Variants in ATRNL1 observed in about 807,000 individuals in gnomAD.
The protein encoded by ATRNL1 is attractin-like protein 1.
In ATRNL1, 95 loss-of-function variants were observed where a neutral mutation model predicts 182.7. The ratio of observed to expected loss-of-function variants is 0.52; its 90% CI spans 0.44 to 0.62. ATRNL1 has a LOEUF of 0.62. ATRNL1 is among the 20% of genes least tolerant of loss of function. The pLI is 0.00. For synonymous variants in ATRNL1, 576 were observed against 568.3 expected (o/e 1.01, Z -0.19); for missense variants, 1,471 against 1,679.5 (o/e 0.88, Z 2.17).
chr10:115,860,106 G>A (rs1178753944), intron 28 of ATRNL1, among the ~76,000 whole-genome samples: 1 of 152,190 alleles, frequency 6.6e-6, no homozygotes, highest in Non-Finnish European at 1.5e-5. Context: ...TTCCTTAGGA[G>A]CTGGGACTGA....
chr10:115,621,276 T>TATATATATATAGAG (rs1268020830), intron 26 of ATRNL1, among the ~76,000 whole-genome samples: 231 of 47,504 alleles, frequency 4.9e-3, no homozygotes, highest in Non-Finnish European at 6.0e-3. Context: ...TATATATATA[T>TATATATATATAGAG]AGAGAGAGAG....
chr10:115,266,394 C>A (rs145795480), intron 11 of ATRNL1, among the ~76,000 whole-genome samples: 109 of 151,464 alleles, frequency 7.2e-4, no homozygotes, highest in African/African-American at 2.6e-3. Flanking sequence ...TGTGTCTTGT[C>A]CATGTATAGC....
intron 26 of ATRNL1, among the ~76,000 whole-genome samples, chr10:115,611,076 C>A (rs1462770858): frequency 7.2e-6 from 1 of 139,214 alleles, no homozygotes; most frequent in Non-Finnish European, 1.5e-5. Context: ...CTATATACCT[C>A]TTGATAAAAT....
At chr10:115,803,020 C>A (rs72828809) in intron 27 of ATRNL1, among the ~76,000 whole-genome samples, 2,014 of 152,230 alleles carry the variant, frequency 0.013, 24 homozygotes, top group Non-Finnish European at 0.021. Context: ...CAAAATTACA[C>A]CTGAATTTCA....
intron 19 of ATRNL1, among the ~76,000 whole-genome samples, chr10:115,345,314 G>A (rs1855926813): frequency 6.6e-6 from 1 of 152,210 alleles, no homozygotes; most frequent in African/African-American, 2.4e-5. Flanking sequence ...TCTAGTGCTG[G>A]TTTGTATGTG....
chr10:115,152,532 A>G (rs1554880920), intron 5 of ATRNL1, among the ~76,000 whole-genome samples: 1 of 152,152 alleles, frequency 6.6e-6, no homozygotes, highest in Non-Finnish European at 1.5e-5. Context: ...TTATTGGTGT[A>G]TAAGAATGCT....
At chr10:115,378,914 A>G (rs554613086) in intron 19 of ATRNL1, among the ~76,000 whole-genome samples, 24 of 152,324 alleles carry the variant, frequency 1.6e-4, no homozygotes, top group Non-Finnish European at 2.1e-4. Flanking sequence ...AGTATATGAC[A>G]GTTGATGATG....
intron 27 of ATRNL1, among the ~76,000 whole-genome samples, chr10:115,790,575 G>A (rs1365769637): frequency 6.6e-6 from 1 of 151,622 alleles, no homozygotes; most frequent in Non-Finnish European, 1.5e-5. Flanking sequence ...TGAGGGTAGA[G>A]AGAGTGAAGG....
intron 9 of ATRNL1, among the ~76,000 whole-genome samples, chr10:115,234,592 C>CTTTTT: frequency 7.5e-6 from 1 of 133,828 alleles, no homozygotes; most frequent in Non-Finnish European, 1.6e-5. Flanking sequence ...TTTTCTTTTT[C>CTTTTT]TTTTTTTTTT....
chr10:115,938,589 G>A (rs1953633710), intron 28 of ATRNL1, among the ~76,000 whole-genome samples: 1 of 152,120 alleles, frequency 6.6e-6, no homozygotes, highest in African/African-American at 2.4e-5. Flanking sequence ...AGATATAGAA[G>A]CAGCTATGTG....
chr10:115,331,049 T>G (rs1480276267), intron 18 of ATRNL1, among the ~76,000 whole-genome samples: 2 of 119,818 alleles, frequency 1.7e-5, no homozygotes, highest in African/African-American at 6.3e-5. Flanking sequence ...ATTCTGCTAT[T>G]GATGCCCTTT....
chr10:115,520,933 C>G (rs782254154), intron 25 of ATRNL1, among the ~76,000 whole-genome samples: 1 of 152,094 alleles, frequency 6.6e-6, no homozygotes, highest in Non-Finnish European at 1.5e-5. Flanking sequence ...ATATTTATCA[C>G]TAATATGTGT....
intron 28 of ATRNL1, among the ~76,000 whole-genome samples, chr10:115,940,681 CTCTCTCTCTCTCTCTCT>C (rs782008779): frequency 7.7e-4 from 67 of 86,622 alleles, no homozygotes; most frequent in Admixed American, 1.3e-3. Flanking sequence ...TACTCTCTCT[CTCTCTCTCTCTCTCTCT>C]TCTCTCTCTC....
intron 6 of ATRNL1, among the ~76,000 whole-genome samples, chr10:115,165,307 G>A (rs546062039): frequency 9.2e-5 from 14 of 152,054 alleles, no homozygotes; most frequent in African/African-American, 3.1e-4. Flanking sequence ...ATTAATTCCA[G>A]TAATAAATAT....
chr10:115,463,637 G>T (rs1554970287), intron 22 of ATRNL1, among the ~76,000 whole-genome samples: 1 of 152,048 alleles, frequency 6.6e-6, no homozygotes, highest in Non-Finnish European at 1.5e-5. Context: ...CAGAAACTCT[G>T]TGATTATTAA....
At chr10:115,169,823 G>A (rs1842644808) in intron 7 of ATRNL1, among the ~76,000 whole-genome samples, 1 of 151,982 alleles carries the variant, frequency 6.6e-6, no homozygotes, top group South Asian at 2.1e-4. Flanking sequence ...TTTAAACAAT[G>A]TTTTGTAATT....
intron 19 of ATRNL1, among the ~76,000 whole-genome samples, chr10:115,374,072 A>G (rs1667658729): frequency 1.3e-5 from 2 of 151,656 alleles, no homozygotes; most frequent in South Asian, 2.1e-4. Flanking sequence ...TATATTTTCT[A>G]TTTCTTCATG....
In ATRNL1 at chr10:115,300,314, T is replaced by G. The variant is rs918138909; in HGVS notation, c.2629+67T>G. On this transcript the variant is annotated intron_variant, in intron 16 of 28. Transcript: ENST00000355044. ...TCCCACCCATCTTCTCATTCCTTCC[T>G]TCTAGGGTGTAGTCTTATTCTATGA... is the stretch of plus-strand genomic sequence containing the variant. The G allele has an allele frequency of 1.5e-5, 20 of 1,291,250 alleles. No individual in the cohort carries two copies. The East Asian group carries it at 4.6e-4, about 29-fold the overall frequency. The allele number at this position is 1,291,250 out of a possible 1,614,324, so 80.0% of individuals were successfully genotyped here.
intron 24 of ATRNL1, among the ~76,000 whole-genome samples, chr10:115,510,111 T>C (rs1486508570): frequency 2.0e-5 from 3 of 152,188 alleles, no homozygotes; most frequent in East Asian, 1.9e-4. Context: ...AATGTAATGA[T>C]AAAACTTTAT....
Sources: gnomAD v4.1 joint callset for allele counts (sites outside exome capture counted in the v4.1 genomes callset) on GRCh38, gnomAD v4.1.1 for gene constraint, MANE v1.5 for transcripts, NCBI Gene and HGNC (gene_info 2026-07-23, HGNC 2026-07-21) for gene names.